Variants in TRHDE observed in about 807,000 individuals in gnomAD.
TRHDE encodes the protein thyrotropin-releasing hormone-degrading ectoenzyme.
Under a neutral mutation model 125.7 loss-of-function variants are expected in TRHDE, and 72 were observed. The ratio of observed to expected loss-of-function variants is 0.57; its 90% confidence interval spans 0.47 to 0.70. TRHDE has a LOEUF of 0.70. TRHDE is among the 30% of genes least tolerant of loss of function. The pLI, the probability that TRHDE is intolerant of heterozygous loss-of-function variation, is 0.00. For synonymous variants in TRHDE, 509 were observed against 509.1 expected (o/e 1.00, Z 0.00); for missense variants, 1,110 against 1,327.1 (o/e 0.84, Z 2.54).
intron 1 of TRHDE, chr12:72,105,559 G>A (rs1875168024): frequency 6.6e-6 from 1 of 152,034 alleles, no homozygotes; most frequent in Non-Finnish European, 1.5e-5. Context: ...CAACACTCCG[G>A]GTCAGGAATT....
At chr12:72,444,936 T>A (rs1875201857) in intron 3 of TRHDE, among the ~76,000 whole-genome samples, 1 of 151,874 alleles carries the variant, frequency 6.6e-6, no homozygotes, top group African/African-American at 2.4e-5. Context: ...GACTTTACTA[T>A]TCTCTTTCCT....
intron 3 of TRHDE, among the ~76,000 whole-genome samples, chr12:72,394,805 T>C (rs1429278181): frequency 6.6e-6 from 1 of 152,164 alleles, no homozygotes; most frequent in African/African-American, 2.4e-5. Context: ...CTAAAATCTC[T>C]GGCTACCTGA....
At chr12:72,153,374 GT>G (rs1207936044) in intron 2 of TRHDE, among the ~76,000 whole-genome samples, 8 of 152,024 alleles carry the variant, frequency 5.3e-5, no homozygotes, top group African/African-American at 1.9e-4. Flanking sequence ...TTTTTGAAGG[GT>G]TTTTTGTGTC....
At chr12:72,370,047 C>T (rs1232546828) in intron 2 of TRHDE, among the ~76,000 whole-genome samples, 1 of 152,112 alleles carries the variant, frequency 6.6e-6, no homozygotes, top group Admixed American at 6.5e-5. Context: ...ACTTGATTAA[C>T]CATACAGGAA....
chr12:72,226,372 G>A (rs1447817185), intron 2 of TRHDE, among the ~76,000 whole-genome samples: 3 of 152,172 alleles, frequency 2.0e-5, no homozygotes, highest in Non-Finnish European at 4.4e-5. Flanking sequence ...AAAGGGATTA[G>A]TGGTATTCCT....
intron 2 of TRHDE, among the ~76,000 whole-genome samples, chr12:72,120,311 A>C (rs1875548186): frequency 6.6e-6 from 1 of 152,038 alleles, no homozygotes; most frequent in Admixed American, 6.6e-5. Context: ...GGGCTTCCAA[A>C]GTGCTGGGAT....
At chr12:72,288,580 C>T (rs1408130287) in intron 2 of TRHDE, among the ~76,000 whole-genome samples, 5 of 152,144 alleles carry the variant, frequency 3.3e-5, no homozygotes, top group African/African-American at 9.7e-5. Flanking sequence ...ACACGGAACA[C>T]GAAGACATCT....
At chr12:72,457,722 T>C (rs1312594190) in intron 3 of TRHDE, among the ~76,000 whole-genome samples, 1 of 152,202 alleles carries the variant, frequency 6.6e-6, no homozygotes, top group Non-Finnish European at 1.5e-5. Flanking sequence ...TAAGAGGAAC[T>C]GGCCTTAAGG....
intron 2 of TRHDE, among the ~76,000 whole-genome samples, chr12:72,320,650 T>C (rs948853765): frequency 1.3e-5 from 2 of 152,010 alleles, no homozygotes; most frequent in African/African-American, 4.8e-5. Context: ...CCTTAATTTC[T>C]ATCACTGCAG....
At chr12:72,229,976 T>C (rs900588386) in intron 2 of TRHDE, among the ~76,000 whole-genome samples, 1 of 152,172 alleles carries the variant, frequency 6.6e-6, no homozygotes, top group African/African-American at 2.4e-5. Flanking sequence ...TAAATATTTT[T>C]ACAATATAAG....
intron 3 of TRHDE, among the ~76,000 whole-genome samples, chr12:72,403,056 G>A (rs1323455127): frequency 6.6e-6 from 1 of 152,174 alleles, no homozygotes; most frequent in Non-Finnish European, 1.5e-5. Context: ...TGGTACCTAT[G>A]ATGGGCACTG....
At chr12:72,294,941 C>A (rs530014140) in intron 2 of TRHDE, among the ~76,000 whole-genome samples, 1 of 151,804 alleles carries the variant, frequency 6.6e-6, no homozygotes, top group Non-Finnish European at 1.5e-5. Flanking sequence ...GAGCTTGCCC[C>A]GACTTTGCTC....
In TRHDE at chr12:72,669,709, T is replaced by C. The variant is rs2136122894; in HGVS notation, c.*6514T>C. 6.6e-6 allele frequency: 1 copy of C among 151,970 alleles called. No homozygotes were observed. The highest frequency in any genetic ancestry group is 6.6e-5 in the Admixed American group (1 of 15,200). 9.4% of individuals were successfully genotyped at this position (151,970 alleles called of 1,614,324 possible). ...TTTCATTTAAAATAGGTTTATTAACTAGCAAATCTCAAATGCAAAACATTT... is the reference window on the plus strand; with the variant it reads ...TTTCATTTAAAATAGGTTTATTAACCAGCAAATCTCAAATGCAAAACATTT... On this transcript the variant is annotated 3_prime_UTR_variant, in exon 19 of 19. Transcript: ENST00000261180.
chr12:72,598,241 G>C (rs961340787), intron 12 of TRHDE, among the ~76,000 whole-genome samples: 1 of 152,028 alleles, frequency 6.6e-6, no homozygotes, highest in African/African-American at 2.4e-5. Flanking sequence ...ATTCATATTT[G>C]ATTGCCTAAC....
chr12:72,530,543 T>G (rs1028563555), intron 6 of TRHDE, among the ~76,000 whole-genome samples: 5 of 141,284 alleles, frequency 3.5e-5, no homozygotes, highest in Non-Finnish European at 6.1e-5. Flanking sequence ...ATTCTTCAGG[T>G]TTTTTTTTTT....
chr12:72,241,201 A>G, intron 2 of TRHDE, among the ~76,000 whole-genome samples: 1 of 152,180 alleles, frequency 6.6e-6, no homozygotes, highest in Non-Finnish European at 1.5e-5. Flanking sequence ...GGGCAATACC[A>G]CAAATTTTAA....
intron 1 of TRHDE, among the ~76,000 whole-genome samples, chr12:72,098,947 C>T (rs999796210): frequency 6.6e-5 from 10 of 152,176 alleles, no homozygotes; most frequent in African/African-American, 2.4e-4. Flanking sequence ...TTTGGATCAC[C>T]TGAGGCCAGG....
intron 2 of TRHDE, among the ~76,000 whole-genome samples, chr12:72,355,105 T>A (rs918130803): frequency 5.3e-5 from 8 of 151,486 alleles, no homozygotes; most frequent in Non-Finnish European, 1.2e-4. Context: ...GGGAGAATAA[T>A]CTTATTCAAA....
chr12:72,633,440 A>T (rs936493150), intron 15 of TRHDE, among the ~76,000 whole-genome samples: 12 of 152,078 alleles, frequency 7.9e-5, no homozygotes, highest in African/African-American at 2.7e-4. Flanking sequence ...GGGCCATTGC[A>T]GACTGTTTTT....
Sources: gnomAD v4.1 joint callset for allele counts (sites outside exome capture counted in the v4.1 genomes callset) on GRCh38, gnomAD v4.1.1 for gene constraint, MANE v1.5 for transcripts, NCBI Gene and HGNC (gene_info 2026-07-23, HGNC 2026-07-21) for gene names.